Variants in CHRM3 observed in about 807,000 individuals in gnomAD.
The protein encoded by CHRM3 is muscarinic acetylcholine receptor M3.
CHRM3 carries 11 observed loss-of-function variants against 41.8 expected under a neutral mutation model. The ratio of observed to expected loss-of-function variants is 0.26; its 90% CI spans 0.17 to 0.44. The LOEUF is 0.44. CHRM3 is among the 20% of genes least tolerant of loss of function. The probability of loss-of-function intolerance (pLI) is 1.00; values close to 1 mark genes in which losing one functional copy is unlikely to be tolerated. For missense variants in CHRM3, 571 were observed against 745.4 expected (o/e 0.77, Z 2.72); for synonymous variants, 297 against 301.4 (o/e 0.99, Z 0.15).
intron 6 of CHRM3, among the ~76,000 whole-genome samples, chr1:239,845,846 C>T (rs904549993): frequency 6.6e-6 from 1 of 152,164 alleles, no homozygotes; most frequent in African/African-American, 2.4e-5. Flanking sequence ...CTTGCTTACT[C>T]TTTTTAACTA....
intron 1 of CHRM3, among the ~76,000 whole-genome samples, chr1:239,446,041 A>C (rs528719896): frequency 4.6e-5 from 7 of 151,870 alleles, no homozygotes; most frequent in Non-Finnish European, 1.0e-4. Flanking sequence ...GGGTTCAAGC[A>C]ATTCTCCTGC....
At chr1:239,545,046 AT>A (rs199938520) in intron 2 of CHRM3, among the ~76,000 whole-genome samples, 5 of 76,506 alleles carry the variant, frequency 6.5e-5, no homozygotes, top group Admixed American at 6.0e-4. Context: ...ATATGCATAC[AT>A]AAGGTAATGA....
chr1:239,851,468 A>G (rs1448428002), intron 6 of CHRM3, among the ~76,000 whole-genome samples: 1 of 152,220 alleles, frequency 6.6e-6, no homozygotes, highest in East Asian at 1.9e-4. Flanking sequence ...ACTTCAGCCC[A>G]GTGTTTATCA....
intron 5 of CHRM3, among the ~76,000 whole-genome samples, chr1:239,715,555 T>G (rs1365859524): frequency 6.6e-6 from 1 of 152,088 alleles, no homozygotes; most frequent in Non-Finnish European, 1.5e-5. Flanking sequence ...CAATTAGCTA[T>G]CAGCTCCAGT....
intron 5 of CHRM3, among the ~76,000 whole-genome samples, chr1:239,810,461 A>T (rs1328812745): frequency 1.3e-5 from 2 of 152,164 alleles, no homozygotes; most frequent in Admixed American, 6.5e-5. Context: ...CTGCTGTGAG[A>T]TCAAAGAAAA....
chr1:239,853,866 C>T (rs1236947837), intron 6 of CHRM3, among the ~76,000 whole-genome samples: 2 of 152,054 alleles, frequency 1.3e-5, no homozygotes, highest in Non-Finnish European at 2.9e-5. Context: ...ACCTTTGTTT[C>T]TATCCTTTTC....
At chr1:239,546,081 G>A (rs1411111129) in intron 3 of CHRM3, 2 of 152,058 alleles carry the variant, frequency 1.3e-5, no homozygotes, top group African/African-American at 2.4e-5. Flanking sequence ...TATAGATCTG[G>A]TGCCAATGTA....
chr1:239,592,131 C>T (rs544633488), intron 3 of CHRM3, among the ~76,000 whole-genome samples: 47 of 152,304 alleles, frequency 3.1e-4, no homozygotes, highest in Non-Finnish European at 5.3e-4. Flanking sequence ...TAGGCCTTCT[C>T]ACCATGTCTT....
chr1:239,854,695 A>G (rs1193688474), intron 6 of CHRM3, among the ~76,000 whole-genome samples: 2 of 152,134 alleles, frequency 1.3e-5, no homozygotes, highest in Non-Finnish European at 2.9e-5. Flanking sequence ...CAGAGAAGAA[A>G]TACACTTACA....
chr1:239,497,606 T>C (rs1044687582), intron 2 of CHRM3, among the ~76,000 whole-genome samples: 7 of 152,256 alleles, frequency 4.6e-5, no homozygotes, highest in Admixed American at 3.3e-4. Flanking sequence ...ACTCACTTTT[T>C]ATGCTTTCGT....
intron 5 of CHRM3, among the ~76,000 whole-genome samples, chr1:239,776,572 G>A (rs73125269): frequency 0.026 from 4,022 of 152,182 alleles, 182 homozygotes; most frequent in African/African-American, 0.09. Flanking sequence ...GAAGAACAAA[G>A]AGATGAAAAG....
chr1:239,885,758 C>A (rs968823937), intron 6 of CHRM3, among the ~76,000 whole-genome samples: 2 of 152,154 alleles, frequency 1.3e-5, no homozygotes, highest in Non-Finnish European at 2.9e-5. Flanking sequence ...CCTTCAAGGT[C>A]CCATCCTTAA....
chr1:239,631,123 A>T (rs714803), intron 3 of CHRM3, among the ~76,000 whole-genome samples: 82,329 of 152,054 alleles, frequency 0.54, 22,940 homozygotes, highest in East Asian at 0.83. Context: ...CTCAAACTGA[A>T]GAAGGAGCAA....
intron 1 of CHRM3, among the ~76,000 whole-genome samples, chr1:239,459,857 A>AT (rs1419998861): frequency 2.6e-5 from 4 of 152,160 alleles, no homozygotes; most frequent in African/African-American, 9.6e-5. Flanking sequence ...AACAGATGGG[A>AT]TTTTGAGATT....
At chr1:239,701,280 C>T (rs541806465) in intron 5 of CHRM3, among the ~76,000 whole-genome samples, 27 of 152,278 alleles carry the variant, frequency 1.8e-4, no homozygotes, top group South Asian at 8.3e-4. Flanking sequence ...CAGTTCTTCA[C>T]GGGATTGTGT....
intron 5 of CHRM3, among the ~76,000 whole-genome samples, chr1:239,807,847 TACAC>T (rs376416140): frequency 2.9e-5 from 4 of 138,114 alleles, no homozygotes; most frequent in African/African-American, 1.1e-4. Flanking sequence ...CACACACACA[TACAC>T]ACACACACGC....
intron 1 of CHRM3, among the ~76,000 whole-genome samples, chr1:239,416,542 T>C (rs550453962): frequency 6.6e-6 from 1 of 152,292 alleles, no homozygotes; most frequent in South Asian, 2.1e-4. Context: ...CAGTAGCAAT[T>C]GTGAATTGTT....
rs915409210 is a variant in CHRM3, at chr1:239,387,504, C to T, written c.-521+277C>T. 6.6e-6 allele frequency among the ~76,000 whole-genome samples: 1 copy of T among 151,924 alleles called. No individual in the cohort carries two copies. Among genetic ancestry groups the T allele is most frequent in the African/African-American group, 2.4e-5 (1 of 41,440 alleles). ...AACGCCCGCTGGCACTCAAGTGCCC[C>T]GAAAGGGACGGGAATCATGCGAGCG... On this transcript the variant is annotated intron_variant, in intron 1 of 6. Coordinates refer to ENST00000676153, the MANE Select transcript of CHRM3 (RefSeq NM_001375978.1). The surrounding 1 kb of genome is among the most constrained non-coding windows in gnomAD (Gnocchi z 5.1).
intron 1 of CHRM3, among the ~76,000 whole-genome samples, chr1:239,468,605 A>C (rs896517716): frequency 9.9e-5 from 15 of 152,198 alleles, no homozygotes; most frequent in Non-Finnish European, 1.8e-4. Context: ...TGGTGCACTC[A>C]AGTATTTAGA....
Sources: allele counts gnomAD v4.1 joint callset (sites outside exome capture counted in the v4.1 genomes callset), GRCh38; gene constraint gnomAD v4.1.1; non-coding constraint Gnocchi (gnomAD v3.1); transcripts MANE v1.5; gene names NCBI Gene and HGNC (gene_info 2026-07-23, HGNC 2026-07-21).